Variants in ABI3BP observed in about 807,000 individuals in gnomAD.
The protein encoded by ABI3BP is target of Nesh-SH3.
In ABI3BP, 216 loss-of-function variants were observed where a neutral mutation model predicts 268.6. The ratio of observed to expected loss-of-function variants is 0.80; its 90% CI spans 0.72 to 0.90. The LOEUF (loss-of-function observed/expected upper bound fraction) is 0.90, where lower values mean the gene tolerates loss of function less well. ABI3BP is among the 40% of genes least tolerant of loss of function. ABI3BP has a pLI of 0.00. For synonymous variants in ABI3BP, 730 were observed against 730.0 expected, an observed-to-expected ratio of 1.00 and a Z score of 0.00; for missense variants, 2,090 against 2,182.4, an observed-to-expected ratio of 0.96 and a Z score of 0.84.
intron 1 of ABI3BP, among the ~76,000 whole-genome samples, chr3:100,938,612 T>C (rs1025797520): frequency 6.6e-6 from 1 of 152,126 alleles, no homozygotes; most frequent in Admixed American, 6.6e-5. Flanking sequence ...TTTTTTCTTA[T>C]CAAAGACAAG....
intron 63 of ABI3BP, among the ~76,000 whole-genome samples, chr3:100,761,523 C>T (rs1364440190): frequency 1.3e-5 from 2 of 152,054 alleles, no homozygotes; most frequent in Admixed American, 1.3e-4. Context: ...TAAACTCTAC[C>T]ATTAGCAAAA....
chr3:100,891,929 A>G (rs1004199271), intron 4 of ABI3BP, among the ~76,000 whole-genome samples: 10 of 152,196 alleles, frequency 6.6e-5, no homozygotes, highest in Admixed American at 6.5e-4. Flanking sequence ...CACAGCATAG[A>G]GCTGGGGCTG....
chr3:100,842,790 G>A (rs1370253012), intron 20 of ABI3BP, among the ~76,000 whole-genome samples: 2 of 152,042 alleles, frequency 1.3e-5, no homozygotes, highest in Admixed American at 6.5e-5. Flanking sequence ...TTACCCAATA[G>A]GTTTCTCATT....
chr3:100,762,170 A>C (rs893989850), intron 63 of ABI3BP, among the ~76,000 whole-genome samples: 2 of 152,150 alleles, frequency 1.3e-5, no homozygotes, highest in African/African-American at 4.8e-5. Context: ...TCTTTATTTT[A>C]TGGTGTCTTT....
In ABI3BP at chr3:100,775,249, C is replaced by G. The variant is rs767936624; in HGVS notation, c.4420G>C (p.Asp1474His). ...TGTPLERIET[D>H]IKQPTVPASG... The stretch of plus-strand genomic sequence containing the variant: ...GCAGGAACTGTTGGTTGCTTTATAT[C>G]TGTCTCTATTCTCTCCAAGGGAGTT... The change falls in exon 60 of 68, where the codon GAT becomes CAT. Residue 1474 changes from aspartate (D) to histidine (H), a missense_variant. Coordinates refer to ENST00000471714, the MANE Select transcript of ABI3BP (RefSeq NM_001375547.2). 1 of 1,611,720 alleles carries G rather than the reference C, an allele frequency of 6.2e-7. No individual in the cohort carries two copies. Among genetic ancestry groups the G allele is most frequent in the East Asian group, 2.2e-5 (1 of 44,780 alleles).
In ABI3BP at chr3:100,832,279, G is replaced by A; in HGVS notation, c.2386C>T (p.Pro796Ser). ...ACATATTTACCCAGTTTAGTTTGAGGTACTTCTGGATGGGGCGTGGTTTTA... is the reference window on the plus strand; with the variant it reads ...ACATATTTACCCAGTTTAGTTTGAGATACTTCTGGATGGGGCGTGGTTTTA... ...KPKTTPHPEV[P>S]QTKLVPATIL... The change falls in exon 31 of 68, where the codon CCT becomes TCT. Residue 796 changes from proline to serine, a missense_variant. Pro to Ser is a moderately conservative substitution (Grantham distance 74). Coordinates refer to ENST00000471714, the MANE Select transcript of ABI3BP (RefSeq NM_001375547.2). 2.0e-6 allele frequency: 3 copies of A among 1,535,538 alleles called. No individual in the cohort carries two copies. Among genetic ancestry groups the A allele is most frequent in the South Asian group, 2.4e-5 (2 of 84,040 alleles).
chr3:100,847,165 C>CA (rs912461889), intron 19 of ABI3BP, among the ~76,000 whole-genome samples: 12 of 152,068 alleles, frequency 7.9e-5, no homozygotes, highest in African/African-American at 2.4e-4. Flanking sequence ...AAACTACTCT[C>CA]AAAAAAATTC....
intron 2 of ABI3BP, among the ~76,000 whole-genome samples, chr3:100,923,921 T>A (rs1157047969): frequency 6.6e-6 from 1 of 152,128 alleles, no homozygotes; most frequent in Non-Finnish European, 1.5e-5. Flanking sequence ...AACACATCAG[T>A]CTTAGGATCA....
Position 100,778,229 on chromosome 3 carries a change from T to C in ABI3BP, c.4333+55A>G, listed in dbSNP as rs1361706189. 1.9e-5 allele frequency: 30 copies of C among 1,539,798 alleles called. No individual in the cohort carries two copies. In the East Asian group the frequency reaches 5.6e-4, roughly 29 times the overall value. On this transcript the variant is annotated intron_variant, in intron 59 of 67. Coordinates refer to ENST00000471714, the MANE Select transcript of ABI3BP (RefSeq NM_001375547.2). Reference sequence around the variant, plus strand: ...GCTAGCACGCCAAGAAGAGCTTATGTTGGCTAGTAAAACCGAAATCATGGC... The same window carrying C: ...GCTAGCACGCCAAGAAGAGCTTATGCTGGCTAGTAAAACCGAAATCATGGC...
chr3:100,926,939 G>A (rs1276237958), intron 1 of ABI3BP, among the ~76,000 whole-genome samples: 2 of 152,118 alleles, frequency 1.3e-5, no homozygotes, highest in Non-Finnish European at 2.9e-5. Flanking sequence ...AAAGATTTTT[G>A]TCTTAGGGAT....
intron 49 of ABI3BP, among the ~76,000 whole-genome samples, chr3:100,809,681 GTCATATAAAAA>G (rs1348646627): frequency 6.6e-6 from 1 of 152,022 alleles, no homozygotes; most frequent in East Asian, 1.9e-4. Context: ...TGGAAACAGA[GTCATATAAAAA>G]TAGTTTAATG....
intron 19 of ABI3BP, 33 bp from the exon 20 acceptor site, chr3:100,846,479 A>T (rs549742905): frequency 6.7e-7 from 1 of 1,486,128 alleles, no homozygotes; most frequent in East Asian, 2.4e-5. Flanking sequence ...TAATAAACAA[A>T]TCAATATTTA....
At chr3:100,753,240 AT>A (rs2095433072) in intron 65 of ABI3BP, among the ~76,000 whole-genome samples, 1 of 152,106 alleles carries the variant, frequency 6.6e-6, no homozygotes, top group South Asian at 2.1e-4. Context: ...GTAGCATGTT[AT>A]AAAGTTTAGA....
At chr3:100,846,646 A>C in intron 19 of ABI3BP, 200 bp from the exon 20 acceptor site, 1 of 421,892 alleles carries the variant, frequency 2.4e-6, no homozygotes, top group Non-Finnish European at 4.2e-6. Flanking sequence ...TCTTGTTTAG[A>C]AAAAACATTT....
At chr3:100,949,319 G>A (rs541266475) in intron 1 of ABI3BP, among the ~76,000 whole-genome samples, 63 of 152,130 alleles carry the variant, frequency 4.1e-4, no homozygotes, top group Non-Finnish European at 7.6e-4. Context: ...GCAGTGGTGC[G>A]ATCTTGGCTC....
At position 100,833,290 on chromosome 3, in the gene ABI3BP, G is replaced by T. The variant is rs577696013; in HGVS notation, c.2282-133C>A. 2.2e-5 allele frequency: 17 copies of T among 780,880 alleles called. No homozygotes were observed. The Admixed American group carries it at 3.2e-4, about 15-fold the overall frequency. 48.4% of individuals were successfully genotyped at this position (780,880 alleles called of 1,614,324 possible). On this transcript the variant is annotated intron_variant, in intron 29 of 67. Transcript: ENST00000471714. ...TCTATAGCCACAAAGCAAACATTTT[G>T]AAGTTCTCAAGTGAGGGTACATATT...
Position 100,926,467 on chromosome 3 carries a change from G to A in ABI3BP, c.94C>T (p.Leu32Phe), listed in dbSNP as rs1479642988. Residue 32 changes from leucine to phenylalanine, a missense_variant, in exon 2 of 68, where the codon CTC becomes TTC. Physicochemically the swap from Leu to Phe is conservative, Grantham distance 22. Transcript: ENST00000471714. ...QKLPKGKRPN[L>F]KVHINTTSDS... ...CTTGTGGTATTGATGTGGACTTTGA[G>A]GTTTGGCCTTTTACCTAACAATGGG... The A allele has an allele frequency of 6.2e-7, 1 of 1,613,072 alleles. No individual in the cohort carries two copies. The highest frequency in any genetic ancestry group is 8.5e-7 in the Non-Finnish European group (1 of 1,179,334).
chr3:100,830,040 T>C (rs1247405644), intron 32 of ABI3BP, among the ~76,000 whole-genome samples: 8 of 140,534 alleles, frequency 5.7e-5, no homozygotes, highest in Non-Finnish European at 9.3e-5. Context: ...GGGAAAATTT[T>C]ACTCTTTACT....
At chr3:100,784,319 A>G (rs1179535416) in intron 57 of ABI3BP, among the ~76,000 whole-genome samples, 1 of 152,156 alleles carries the variant, frequency 6.6e-6, no homozygotes, top group East Asian at 1.9e-4. Flanking sequence ...AATTAAAACC[A>G]CAATGAGATA....
Sources: allele counts gnomAD v4.1 joint callset (sites outside exome capture counted in the v4.1 genomes callset), GRCh38; gene constraint gnomAD v4.1.1; transcripts MANE v1.5; gene names NCBI Gene and HGNC (gene_info 2026-07-23, HGNC 2026-07-21).